SULF1: variants seen among roughly 807,000 people sequenced by gnomAD.
SULF1 encodes the protein extracellular sulfatase Sulf-1.
Under a neutral mutation model 110.5 loss-of-function variants are expected in SULF1, and 46 were observed. The ratio of observed to expected loss-of-function variants is 0.42; its 90% CI spans 0.33 to 0.53. The LOEUF (loss-of-function observed/expected upper bound fraction) is 0.53. SULF1 is among the 20% of genes least tolerant of loss of function. The pLI is 0.12. For missense variants in SULF1, 941 were observed against 1,094.2 expected (o/e 0.86, Z 1.98); for synonymous variants, 371 against 387.1 (o/e 0.96, Z 0.49).
At chr8:69,571,802 A>T (rs1457917460) in intron 5 of SULF1, among the ~76,000 whole-genome samples, 7 of 152,232 alleles carry the variant, frequency 4.6e-5, no homozygotes. Flanking sequence ...GTGGGAATAT[A>T]TACAGGGTAA....
chr8:69,488,923 G>A (rs1809805980), upstream of SULF1, among the ~76,000 whole-genome samples: 1 of 152,094 alleles, frequency 6.6e-6, no homozygotes, highest in African/African-American at 2.4e-5. Context: ...TAATTGGCTT[G>A]TTTGAATAAT....
intron 3 of SULF1, among the ~76,000 whole-genome samples, chr8:69,543,390 C>T (rs1813996339): frequency 6.6e-6 from 1 of 151,470 alleles, no homozygotes; most frequent in Non-Finnish European, 1.5e-5. Context: ...CCTCCCCTCA[C>T]AGACCTTAGT....
At chr8:69,550,594 AG>A (rs1309304702) in intron 3 of SULF1, among the ~76,000 whole-genome samples, 9 of 152,240 alleles carry the variant, frequency 5.9e-5, no homozygotes, top group Middle Eastern at 6.8e-3. Flanking sequence ...GGGAGCAAAA[AG>A]AGAGAAGGAA....
At chr8:69,588,037 T>A (rs2150769378) in intron 7 of SULF1, among the ~76,000 whole-genome samples, 1 of 152,332 alleles carries the variant, frequency 6.6e-6, no homozygotes, top group South Asian at 2.1e-4. Context: ...CCACAACATG[T>A]GATTAGCCAT....
intron 8 of SULF1, among the ~76,000 whole-genome samples, chr8:69,590,103 A>G (rs1806781821): frequency 6.6e-6 from 1 of 152,238 alleles, no homozygotes; most frequent in Non-Finnish European, 1.5e-5. Flanking sequence ...AAAATAGGTA[A>G]GTAACTATGC....
intron 6 of SULF1, among the ~76,000 whole-genome samples, chr8:69,576,641 T>C (rs1018466039): frequency 1.3e-5 from 2 of 152,226 alleles, no homozygotes; most frequent in African/African-American, 4.8e-5. Context: ...TGGGGACTTC[T>C]TTCAAGAGGG....
At chr8:69,623,843 T>C (rs1031251400) in intron 14 of SULF1, 99 bp from the exon 15 acceptor site, 14 of 1,405,170 alleles carry the variant, frequency 1.0e-5, no homozygotes, top group African/African-American at 2.9e-5. Context: ...CATGGACTGC[T>C]TTCTCCACTC....
chr8:69,516,632 A>C lies in SULF1; in HGVS notation c.-134+14664A>C, dbSNP rs113999974. 3.8e-3 allele frequency among the ~76,000 whole-genome samples: 575 copies of C among 152,286 alleles called. 2 individuals carry two copies. The highest frequency in any genetic ancestry group is 0.013 in the African/African-American group (549 of 41,558). On this transcript the variant is annotated intron_variant, in intron 3 of 22. Transcript: ENST00000402687. ...AATGAGAATAAAAAATGAAACCATA[A>C]ATAATTTTTACTTTATGTTTTCTTA...
At chr8:69,608,634 A>C (rs779954074) in intron 13 of SULF1, among the ~76,000 whole-genome samples, 8 of 152,202 alleles carry the variant, frequency 5.3e-5, no homozygotes, top group Non-Finnish European at 8.8e-5. Context: ...GCAGTGAGTC[A>C]AGATTTTACC....
intron 3 of SULF1, among the ~76,000 whole-genome samples, chr8:69,508,446 A>G (rs1264034196): frequency 6.6e-6 from 1 of 152,184 alleles, no homozygotes; most frequent in East Asian, 1.9e-4. Flanking sequence ...AATATTTCCA[A>G]ACAAATTGTC....
chr8:69,544,749 G>T (rs1814127510), intron 3 of SULF1, among the ~76,000 whole-genome samples: 1 of 152,160 alleles, frequency 6.6e-6, no homozygotes, highest in African/African-American at 2.4e-5. Flanking sequence ...TTTTTCTTAT[G>T]AATAGACATG....
At chr8:69,583,537 G>A (rs1806235586) in intron 6 of SULF1, among the ~76,000 whole-genome samples, 1 of 152,102 alleles carries the variant, frequency 6.6e-6, no homozygotes, top group Admixed American at 6.5e-5. Flanking sequence ...TCACACCACT[G>A]TACTCTAGCC....
chr8:69,504,910 AC>A (rs1329258954), intron 3 of SULF1, among the ~76,000 whole-genome samples: 5 of 152,152 alleles, frequency 3.3e-5, no homozygotes, highest in African/African-American at 1.2e-4. Flanking sequence ...TAAAATAGGG[AC>A]CACTTTACTG....
intron 6 of SULF1, among the ~76,000 whole-genome samples, chr8:69,578,946 G>A (rs974468692): frequency 2.0e-5 from 3 of 151,180 alleles, no homozygotes; most frequent in South Asian, 4.2e-4. Flanking sequence ...GGCGGATCAC[G>A]AGGTCAGGAG....
At chr8:69,599,951 A>T (rs7846303) in intron 8 of SULF1, among the ~76,000 whole-genome samples, 65,764 of 152,064 alleles carry the variant, frequency 0.43, 14,877 homozygotes, top group Non-Finnish European at 0.51. Flanking sequence ...TGGCTTACAG[A>T]AATTATTCCC....
chr8:69,551,388 T>C (rs1814695808), intron 3 of SULF1, among the ~76,000 whole-genome samples: 1 of 152,178 alleles, frequency 6.6e-6, no homozygotes, highest in East Asian at 1.9e-4. Context: ...AGAGAGTACG[T>C]AGAAAGAGAT....
intron 22 of SULF1, among the ~76,000 whole-genome samples, chr8:69,647,847 G>A (rs762344038): frequency 1.3e-5 from 2 of 151,942 alleles, no homozygotes; most frequent in Admixed American, 1.3e-4. Flanking sequence ...AGCCAAGATC[G>A]CGCCATTGCA....
intron 15 of SULF1, among the ~76,000 whole-genome samples, chr8:69,624,411 C>G (rs1809842204): frequency 6.6e-6 from 1 of 152,238 alleles, no homozygotes; most frequent in Non-Finnish European, 1.5e-5. Flanking sequence ...CACATTAAGA[C>G]TGATCAGCTA....
intron 6 of SULF1, among the ~76,000 whole-genome samples, chr8:69,582,911 G>T (rs889392484): frequency 1.2e-4 from 18 of 152,174 alleles, no homozygotes; most frequent in Admixed American, 4.6e-4. Context: ...GAAAAGGTCA[G>T]TTCGTCTCTA....
Sources: allele counts gnomAD v4.1 joint callset (sites outside exome capture counted in the v4.1 genomes callset), GRCh38; gene constraint gnomAD v4.1.1; transcripts MANE v1.5; gene names NCBI Gene and HGNC (gene_info 2026-07-23, HGNC 2026-07-21).